MACROD2: variants seen among roughly 807,000 people sequenced by gnomAD.
The protein encoded by MACROD2 is ADP-ribose glycohydrolase MACROD2.
A neutral mutation model predicts 70.4 loss-of-function variants in MACROD2; 36 were observed. The ratio of observed to expected loss-of-function variants is 0.51; its 90% CI spans 0.39 to 0.68. The LOEUF (loss-of-function observed/expected upper bound fraction) is 0.68, where lower values mean the gene tolerates loss of function less well. Among genes scored for constraint, MACROD2 ranks in the 30% least tolerant of loss-of-function variants. The pLI, the probability that MACROD2 is intolerant of heterozygous loss-of-function variation, is 0.00. For missense variants in MACROD2, 496 were observed against 538.4 expected, an observed-to-expected ratio of 0.92 and a Z score of 0.78; for synonymous variants, 172 against 178.8, an observed-to-expected ratio of 0.96 and a Z score of 0.30.
Position 14,898,285 on chromosome 20 carries a change from C to G in MACROD2, c.418+213326C>G, listed in dbSNP as rs563607740. Among the ~76,000 whole-genome samples the G allele has an allele frequency of 6.8e-4, 103 of 152,090 alleles. 1 individual carries two copies. The highest frequency in any genetic ancestry group is 2.4e-3 in the African/African-American group (101 of 41,504). On this transcript the variant is annotated intron_variant, in intron 5 of 17. Coordinates refer to ENST00000684519, the MANE Select transcript of MACROD2 (RefSeq NM_001351661.2). ...AGAGTCAGAAAATTTAGGATAATAA[C>G]CTTGGATGACAAAGGAAGAAAGTTT...
At position 14,849,904 on chromosome 20, in the gene MACROD2, C is replaced by T. The variant is rs145876661; in HGVS notation, c.418+164945C>T. The T allele has an allele frequency of 1.6e-4, 79 of 491,022 alleles. No individual in the cohort carries two copies. In the East Asian group the frequency reaches 4.0e-3, roughly 25 times the overall value. 30.4% of individuals were successfully genotyped at this position (491,022 alleles called of 1,614,324 possible). On this transcript the variant is annotated intron_variant, in intron 5 of 17. Transcript: ENST00000684519. The stretch of plus-strand genomic sequence containing the variant: ...CTCTGGCATTTGTGTTTCATCGTAG[C>T]AAATTTGGATGCAAGAAAGCTATTG...
chr20:16,006,364 T>G (rs922702635), intron 15 of MACROD2, among the ~76,000 whole-genome samples: 4 of 152,220 alleles, frequency 2.6e-5, no homozygotes, highest in African/African-American at 9.6e-5. Flanking sequence ...TTTTCATTCC[T>G]TTCTTTATCC....
intron 6 of MACROD2, among the ~76,000 whole-genome samples, chr20:15,352,226 G>GA (rs904304440): frequency 3.9e-5 from 6 of 152,116 alleles, no homozygotes; most frequent in Admixed American, 1.3e-4. Context: ...GGACTTGCAA[G>GA]ACCCATTATT....
rs373603308 is a variant in MACROD2, at chr20:14,826,382, C to G, written c.418+141423C>G. 1.4e-4 allele frequency among the ~76,000 whole-genome samples: 21 copies of G among 152,120 alleles called. No individual in the cohort carries two copies. The East Asian group carries it at 3.9e-3, about 28-fold the overall frequency. On this transcript the variant is annotated intron_variant, in intron 5 of 17. Transcript: ENST00000684519. ...CAGGCTAATGTCTCTAATACAAATT[C>G]TTTTTGAATTTTTCTTAGTTAAAAT... is the stretch of plus-strand genomic sequence containing the variant.
chr20:14,938,598 T>G (rs2074361555), intron 5 of MACROD2, among the ~76,000 whole-genome samples: 1 of 151,984 alleles, frequency 6.6e-6, no homozygotes, highest in Non-Finnish European at 1.5e-5. Context: ...CTGGCCAATA[T>G]GGTAAAACCT....
chr20:15,853,953 G>A (rs1163928552), intron 8 of MACROD2, among the ~76,000 whole-genome samples: 7 of 152,148 alleles, frequency 4.6e-5, no homozygotes, highest in Admixed American at 4.6e-4. Flanking sequence ...CAGGTAAATG[G>A]TAAAGTCAAG....
chr20:15,966,676 A>AGGTTGCAGCGAGCTAC (rs1463192649), intron 12 of MACROD2, among the ~76,000 whole-genome samples: 1 of 152,186 alleles, frequency 6.6e-6, no homozygotes, highest in African/African-American at 2.4e-5. Flanking sequence ...CAGGAGTTTG[A>AGGTTGCAGCGAGCTAC]GGTTGCAGCG....
chr20:15,417,242 T>C (rs540841307), intron 6 of MACROD2, among the ~76,000 whole-genome samples: 61 of 151,928 alleles, frequency 4.0e-4, no homozygotes, highest in Non-Finnish European at 6.5e-4. Flanking sequence ...GGTGTAGCCA[T>C]ACAAAAAAAG....
chr20:14,736,396 A>G (rs1240102567), intron 5 of MACROD2, among the ~76,000 whole-genome samples: 2 of 152,332 alleles, frequency 1.3e-5, no homozygotes, highest in African/African-American at 2.4e-5. Context: ...GTGGAACTAG[A>G]TAGTGGTGAC....
intron 3 of MACROD2, among the ~76,000 whole-genome samples, chr20:14,284,097 TA>T (rs928435921): frequency 1.3e-5 from 2 of 152,196 alleles, no homozygotes; most frequent in Non-Finnish European, 2.9e-5. Flanking sequence ...TTCTGCTGTA[TA>T]AAAAATAAAG....
rs552210297 is a variant in MACROD2 at position 14,825,950 on chromosome 20, AGG to A, written c.418+140992_418+140993del. ...ACCTTCACCTTGTTTTTACAAGCAA[AGG>A]CTAAGCTTCAATAAGGAGATAGGCT... is the stretch of plus-strand genomic sequence containing the variant. On this transcript the variant is annotated intron_variant, in intron 5 of 17. Coordinates refer to ENST00000684519, the MANE Select transcript of MACROD2 (RefSeq NM_001351661.2). 1.6e-4 allele frequency among the ~76,000 whole-genome samples: 25 copies of A among 152,266 alleles called. No homozygotes were observed. In the East Asian group the frequency reaches 3.9e-3, roughly 23 times the overall value.
chr20:15,750,969 A>C (rs565494518), intron 8 of MACROD2, among the ~76,000 whole-genome samples: 37 of 152,160 alleles, frequency 2.4e-4, no homozygotes, highest in African/African-American at 7.2e-4. Context: ...AGCAGAGAGT[A>C]GAACAGTGGT....
chr20:15,757,586 T>C (rs1009111833), intron 8 of MACROD2, among the ~76,000 whole-genome samples: 1 of 152,196 alleles, frequency 6.6e-6, no homozygotes, highest in Admixed American at 6.5e-5. Flanking sequence ...ATGAGTGTCT[T>C]AGTTTAAGCT....
chr20:15,522,356 G>T (rs1350065474), intron 8 of MACROD2, among the ~76,000 whole-genome samples: 2 of 152,128 alleles, frequency 1.3e-5, no homozygotes, highest in African/African-American at 2.4e-5. Context: ...AGTACATAGG[G>T]AAAAATAGAG....
chr20:14,203,680 G>A (rs2081499000), intron 3 of MACROD2, among the ~76,000 whole-genome samples: 1 of 152,206 alleles, frequency 6.6e-6, no homozygotes, highest in South Asian at 2.1e-4. Context: ...GAGTTCCTTA[G>A]AGGCTTAGGC....
intron 8 of MACROD2, among the ~76,000 whole-genome samples, chr20:15,753,438 T>C (rs1419960999): frequency 6.6e-6 from 1 of 152,224 alleles, no homozygotes; most frequent in African/African-American, 2.4e-5. Context: ...TGCTGCAAAG[T>C]ACAAGATTTC....
At chr20:14,388,400 A>T (rs2083490757) in intron 3 of MACROD2, among the ~76,000 whole-genome samples, 1 of 152,194 alleles carries the variant, frequency 6.6e-6, no homozygotes. Context: ...CACCCCACAC[A>T]GTCAAAAATT....
intron 6 of MACROD2, 62 bp downstream of exon 6, chr20:15,230,123 T>C: frequency 6.6e-7 from 1 of 1,517,146 alleles, no homozygotes; most frequent in Non-Finnish European, 8.9e-7. Flanking sequence ...TAGTAATCTG[T>C]CTTGTCTAAA....
At position 14,912,705 on chromosome 20, in the gene MACROD2, C is replaced by T. The variant is rs78785376; in HGVS notation, c.418+227746C>T. On this transcript the variant is annotated intron_variant, in intron 5 of 17. Coordinates refer to ENST00000684519, the MANE Select transcript of MACROD2 (RefSeq NM_001351661.2). ...AAGACTAAGGCATGAAGGATTATGT[C>T]GTCTTCAAGAGCTGGAACTGAGAGA... Among the ~76,000 whole-genome samples the T allele has an allele frequency of 1.9e-3, 282 of 152,186 alleles. 3 individuals are homozygous for T. The highest frequency in any genetic ancestry group is 3.7e-3 in the South Asian group (18 of 4,826).
Sources: gnomAD v4.1 joint callset for allele counts (sites outside exome capture counted in the v4.1 genomes callset) on GRCh38, gnomAD v4.1.1 for gene constraint, MANE v1.5 for transcripts, NCBI Gene and HGNC (gene_info 2026-07-23, HGNC 2026-07-21) for gene names.